The following FAM117A variants were observed in gnomAD, a reference collection of about 807,000 sequenced individuals.
FAM117A encodes the protein protein FAM117A.
In FAM117A, 21 loss-of-function variants were observed where a neutral mutation model predicts 44.1. That is an observed-to-expected ratio of 0.48 (90% CI 0.34 to 0.69). The LOEUF is 0.69. Among genes scored for constraint, FAM117A ranks in the 30% least tolerant of loss-of-function variants. FAM117A has a pLI of 0.01. For missense variants in FAM117A, 498 were observed against 589.9 expected (o/e 0.84, Z 1.61); for synonymous variants, 220 against 238.3 (o/e 0.92, Z 0.71).
Position 49,732,554 on chromosome 17 carries a change from G to T in FAM117A, c.363C>A (p.Thr121=). ...CATCAGGAGAGAGCTTCATTACCTG[G>T]GTGGCCTTGTCATTGGTGCAGCAGG... is the stretch of plus-strand genomic sequence containing the variant. The part of the protein sequence containing the change: ...AFTCCTNDKA[T]QTPLSWQELE... The change falls in exon 2 of 8, where the codon ACC becomes ACA. Residue 121 remains threonine (T), a synonymous_variant. Transcript: ENST00000240364. 6.2e-7 allele frequency: 1 copy of T among 1,614,034 alleles called. No homozygotes were observed. The highest frequency in any genetic ancestry group is 8.5e-7 in the Non-Finnish European group (1 of 1,179,976).
In FAM117A at chr17:49,719,505, G is replaced by C. The variant is rs2073522965; in HGVS notation, c.708+255C>G. 8.4e-6 allele frequency: 3 copies of C among 358,666 alleles called. No individual in the cohort carries two copies. The East Asian group carries it at 1.4e-4, about 17-fold the overall frequency. 22.2% of individuals were successfully genotyped at this position (358,666 alleles called of 1,614,324 possible). Reference sequence around the variant, plus strand: ...TGACCCCTGTCTGTTCCTCCCAGCGGGGGGGCCTCCTCTCTGCCAATCCTT... The same window carrying C: ...TGACCCCTGTCTGTTCCTCCCAGCGCGGGGGCCTCCTCTCTGCCAATCCTT... On this transcript the variant is annotated intron_variant, in intron 5 of 7. Coordinates refer to ENST00000240364, the MANE Select transcript of FAM117A (RefSeq NM_030802.4).
chr17:49,732,664 G>A lies in FAM117A; in HGVS notation c.253C>T (p.Gln85Ter). The A allele has an allele frequency of 1.2e-6, 2 of 1,614,106 alleles. No individual in the cohort carries two copies. Among genetic ancestry groups the A allele is most frequent in the Non-Finnish European group, 1.7e-6 (2 of 1,179,998 alleles). ...EKSVCRPQPL[Q>*]VRRTFSLDTI... is the part of the protein sequence containing the mutation. ...TCCAGGGAGAATGTACGCCGGACCT[G>A]AAGTGGCTGAGGCCTACACACTGAC... The change falls in exon 2 of 8, where the codon CAG (glutamine) becomes TAG (stop). Residue 85 changes from glutamine (Q) to a stop codon, truncating the protein, a stop_gained. Transcript: ENST00000240364. LOFTEE classifies it high-confidence loss of function.
intron 5 of FAM117A, among the ~76,000 whole-genome samples, chr17:49,718,807 C>T (rs2073518163): frequency 6.7e-6 from 1 of 149,636 alleles, no homozygotes; most frequent in Non-Finnish European, 1.5e-5. Flanking sequence ...ATGGTGAAAC[C>T]CCCTACTAAA....
In FAM117A at chr17:49,710,721, T is replaced by C. The variant is rs1268217765; in HGVS notation, c.*534A>G. 1 of 152,792 alleles carries C rather than the reference T, an allele frequency of 6.5e-6. No homozygotes were observed. The highest frequency in any genetic ancestry group is 2.4e-5 in the African/African-American group (1 of 41,430). The allele number at this position is 152,792 out of a possible 1,614,324, so 9.5% of individuals were successfully genotyped here. ...TGAAAATGCCACTTGGGAAAACACT[T>C]GTTTCCTCCCTCTGCCAGCAGCTGA... On this transcript the variant is annotated 3_prime_UTR_variant, in exon 8 of 8. Coordinates refer to ENST00000240364, the MANE Select transcript of FAM117A (RefSeq NM_030802.4).
At chr17:49,759,897 C>G (rs1358450136) in intron 1 of FAM117A, among the ~76,000 whole-genome samples, 1 of 152,166 alleles carries the variant, frequency 6.6e-6, no homozygotes, top group Non-Finnish European at 1.5e-5. Context: ...ACTGCCAGCT[C>G]TTCATAATCT....
At chr17:49,730,448 A>G (rs1200240870) in intron 2 of FAM117A, among the ~76,000 whole-genome samples, 1 of 152,214 alleles carries the variant, frequency 6.6e-6, no homozygotes, top group Admixed American at 6.5e-5. Flanking sequence ...CCCTGCCTTC[A>G]GTTGACAAAG....
chr17:49,742,425 G>A (rs897689827), intron 1 of FAM117A, among the ~76,000 whole-genome samples: 1 of 152,222 alleles, frequency 6.6e-6, no homozygotes, highest in Non-Finnish European at 1.5e-5. Flanking sequence ...TATATAAAAA[G>A]AGTAGACAGC....
At chr17:49,738,643 C>G (rs1325054530) in intron 1 of FAM117A, among the ~76,000 whole-genome samples, 3 of 152,284 alleles carry the variant, frequency 2.0e-5, no homozygotes, top group Non-Finnish European at 2.9e-5. Flanking sequence ...GCTGGCACAG[C>G]GCCTCACTGG....
chr17:49,732,220 T>C (rs1196137451), intron 2 of FAM117A: 1 of 185,692 alleles, frequency 5.4e-6, no homozygotes, highest in Non-Finnish European at 1.2e-5. Context: ...TGCAAACTCA[T>C]TTCCATATAA....
At chr17:49,767,342 A>C (rs2073748404), upstream of FAM117A, among the ~76,000 whole-genome samples, 1 of 152,244 alleles carries the variant, frequency 6.6e-6, no homozygotes, top group Non-Finnish European at 1.5e-5. Context: ...CCTTACTGTC[A>C]TGCTTATCAA....
intron 2 of FAM117A, among the ~76,000 whole-genome samples, chr17:49,725,753 T>C (rs535086991): frequency 6.6e-6 from 1 of 152,320 alleles, no homozygotes; most frequent in African/African-American, 2.4e-5. Flanking sequence ...GAGGAACCTA[T>C]AAATGTTACC....
rs147079570 is a variant in FAM117A at position 49,752,808 on chromosome 17, T to C, written c.196+11084A>G. ...ACCAAGTGAGTATTTATGGTGTGGATAGTCACCTTGGGGTGCTAAAGGAAG... is the reference window on the plus strand; with the variant it reads ...ACCAAGTGAGTATTTATGGTGTGGACAGTCACCTTGGGGTGCTAAAGGAAG... On this transcript the variant is annotated intron_variant, in intron 1 of 7. Coordinates refer to ENST00000240364, the MANE Select transcript of FAM117A (RefSeq NM_030802.4). Among the ~76,000 whole-genome samples the C allele has an allele frequency of 4.3e-3, 650 of 152,114 alleles. 3 individuals carry two copies. Among genetic ancestry groups the C allele is most frequent in the Non-Finnish European group, 7.3e-3 (496 of 68,024 alleles).
intron 2 of FAM117A, among the ~76,000 whole-genome samples, chr17:49,730,999 G>A (rs1477905172): frequency 1.3e-5 from 2 of 152,180 alleles, no homozygotes; most frequent in Non-Finnish European, 2.9e-5. Flanking sequence ...GACTCATGGA[G>A]GCCAAATCTT....
chr17:49,736,434 T>G (rs1181675856), intron 1 of FAM117A, among the ~76,000 whole-genome samples: 4 of 152,120 alleles, frequency 2.6e-5, no homozygotes, highest in African/African-American at 9.7e-5. Flanking sequence ...TTTTTTTGTA[T>G]TTTTAGTAGA....
chr17:49,778,622 A>C (rs1410216783), intron 1 of FAM117A, among the ~76,000 whole-genome samples: 1 of 152,230 alleles, frequency 6.6e-6, no homozygotes, highest in Non-Finnish European at 1.5e-5. Context: ...ATACTATATA[A>C]ATGTGTGTAC....
chr17:49,717,941 C>T (rs1466451725), intron 5 of FAM117A: 2 of 437,918 alleles, frequency 4.6e-6, no homozygotes, highest in East Asian at 7.5e-5. Flanking sequence ...ATAGCACTCA[C>T]AGTCCAATGT....
intron 1 of FAM117A, among the ~76,000 whole-genome samples, chr17:49,785,102 T>C (rs985148589): frequency 6.6e-6 from 1 of 152,260 alleles, no homozygotes; most frequent in East Asian, 1.9e-4. Context: ...AATTACTCCA[T>C]GTCAGGAACT....
Position 49,720,138 on chromosome 17 carries a change from G to A in FAM117A, c.573+188C>T, listed in dbSNP as rs937111440. The stretch of plus-strand genomic sequence containing the variant: ...ATTATATGGGGATGGGGGTAGAAGA[G>A]AGGGAGATTCAGAACGGCAAGAAGC... On this transcript the variant is annotated intron_variant, in intron 4 of 7. Transcript: ENST00000240364. 9.0e-6 allele frequency: 6 copies of A among 667,980 alleles called. No individual in the cohort carries two copies. In the African/African-American group the frequency reaches 1.1e-4, roughly 12 times the overall value. The allele number at this position is 667,980 out of a possible 1,614,324, so 41.4% of individuals were successfully genotyped here.
At chr17:49,728,501 G>T (rs2073570218) in intron 2 of FAM117A, among the ~76,000 whole-genome samples, 1 of 151,980 alleles carries the variant, frequency 6.6e-6, no homozygotes, top group Admixed American at 6.6e-5. Context: ...AATGCAGAGG[G>T]AATGGGGCTG....
Sources: allele counts gnomAD v4.1 joint callset (sites outside exome capture counted in the v4.1 genomes callset), GRCh38; gene constraint gnomAD v4.1.1; transcripts MANE v1.5; gene names NCBI Gene and HGNC (gene_info 2026-07-23, HGNC 2026-07-21).